RBL2: variants seen among roughly 807,000 people sequenced by gnomAD.
RBL2 encodes the protein RB transcriptional corepressor like 2.
A neutral mutation model predicts 126.0 loss-of-function variants in RBL2; 56 were observed. That is an observed-to-expected ratio of 0.44 (90% CI 0.36 to 0.56). RBL2 has a LOEUF of 0.56. Ranked by LOEUF, RBL2 falls within the 20% of genes least tolerant of loss-of-function variation. The pLI, the probability that RBL2 is intolerant of heterozygous loss-of-function variation, is 0.00. For synonymous variants in RBL2, 454 were observed against 478.5 expected, an observed-to-expected ratio of 0.95 and a Z score of 0.67; for missense variants, 1,229 against 1,398.2, an observed-to-expected ratio of 0.88 and a Z score of 1.93.
intron 20 of RBL2, 183 bp from the exon 21 acceptor site, chr16:53,481,488 C>T (rs1312370225): frequency 3.6e-6 from 2 of 550,404 alleles, no homozygotes; most frequent in Non-Finnish European, 6.1e-6. Context: ...TAATAACTGG[C>T]ACAAACTAAG....
intron 17 of RBL2, among the ~76,000 whole-genome samples, chr16:53,477,835 A>G (rs1960791483): frequency 6.6e-6 from 1 of 152,114 alleles, no homozygotes; most frequent in Non-Finnish European, 1.5e-5. Context: ...CAGTTAAGAA[A>G]GGAGAAGAAA....
intron 18 of RBL2, chr16:53,479,557 A>C: frequency 2.2e-6 from 1 of 457,834 alleles, no homozygotes; most frequent in Non-Finnish European, 3.9e-6. Context: ...TCACATGGAA[A>C]TTTAAAACCC....
intron 14 of RBL2, 93 bp downstream of exon 14, chr16:53,467,262 A>G (rs2058281163): frequency 4.1e-6 from 4 of 975,742 alleles, no homozygotes; most frequent in African/African-American, 1.6e-5. Flanking sequence ...TAGGGTATAC[A>G]TAGAAGAAAA....
intron 2 of RBL2, among the ~76,000 whole-genome samples, chr16:53,440,705 C>T (rs1177650147): frequency 6.6e-6 from 1 of 152,094 alleles, no homozygotes; most frequent in Non-Finnish European, 1.5e-5. Flanking sequence ...AGATGCGCAC[C>T]ACCACACCTG....
chr16:53,469,931 C>A lies in RBL2; in HGVS notation c.1991C>A (p.Thr664Asn). 1 of 1,570,014 alleles carries A rather than the reference C, an allele frequency of 6.4e-7. No individual in the cohort carries two copies. ...GGLGRSITSP[T>N]TLYDRYSSPP... ...TTGACCCTAGGCATAACATCTCCAACCACATTATACGATAGGTACAGCTCC... is the reference window on the plus strand; with the variant it reads ...TTGACCCTAGGCATAACATCTCCAAACACATTATACGATAGGTACAGCTCC... The change falls in exon 15 of 22, where the codon ACC becomes AAC. Residue 664 changes from threonine to asparagine, a missense_variant. Coordinates refer to ENST00000262133, the MANE Select transcript of RBL2 (RefSeq NM_005611.4).
chr16:53,452,701 C>G (rs2058126814), intron 5 of RBL2, among the ~76,000 whole-genome samples: 1 of 151,452 alleles, frequency 6.6e-6, no homozygotes, highest in Admixed American at 6.6e-5. Flanking sequence ...GGGTCTCACT[C>G]TGTCACCCAG....
At position 53,461,658 on chromosome 16, in the gene RBL2, G is replaced by A. The variant is rs890517827; in HGVS notation, c.1347-83G>A. On this transcript the variant is annotated intron_variant, in intron 9 of 21. Coordinates refer to ENST00000262133, the MANE Select transcript of RBL2 (RefSeq NM_005611.4). ...TGTTCAGAGTGTTTTATATTTACATGTTAGTGAAATTATAGAAACATTTTA... is the reference window on the plus strand; with the variant it reads ...TGTTCAGAGTGTTTTATATTTACATATTAGTGAAATTATAGAAACATTTTA... 1.1e-5 allele frequency: 10 copies of A among 904,532 alleles called. No individual in the cohort carries two copies. In the Admixed American group the frequency reaches 1.7e-4, roughly 15 times the overall value. The allele number at this position is 904,532 out of a possible 1,614,324, so 56.0% of individuals were successfully genotyped here.
At position 53,441,159 on chromosome 16, in the gene RBL2, C is replaced by T. The variant is rs1401892211; in HGVS notation, c.372-1499C>T. Among the ~76,000 whole-genome samples the T allele has an allele frequency of 1.1e-4, 16 of 151,746 alleles. 1 individual carries two copies. The highest frequency in any genetic ancestry group is 4.2e-4 in the South Asian group (2 of 4,810). On this transcript the variant is annotated intron_variant, in intron 2 of 21. Coordinates refer to ENST00000262133, the MANE Select transcript of RBL2 (RefSeq NM_005611.4). ...ATTTTTTGTGGAGACCAGGTTTCAC[C>T]GTGTTGACCAGGCTAGTCTCGAACT...
chr16:53,472,959 T>C (rs1299476574), intron 17 of RBL2, among the ~76,000 whole-genome samples: 1 of 152,214 alleles, frequency 6.6e-6, no homozygotes, highest in Non-Finnish European at 1.5e-5. Flanking sequence ...AGAAGATTTT[T>C]TTCCTCACTG....
At chr16:53,435,460 G>C (rs993322377) in intron 1 of RBL2, 4 of 499,612 alleles carry the variant, frequency 8.0e-6, no homozygotes, top group Non-Finnish European at 5.2e-6. Context: ...CCCGGGCATT[G>C]CACAGGACTC....
At chr16:53,442,469 T>G (rs1194885653) in intron 2 of RBL2, among the ~76,000 whole-genome samples, 189 bp from the exon 3 acceptor site, 1 of 152,192 alleles carries the variant, frequency 6.6e-6, no homozygotes, top group Non-Finnish European at 1.5e-5. Context: ...CAAAATGGAT[T>G]AGGAGGATCA....
At chr16:53,468,480 A>G (rs2058291365) in intron 14 of RBL2, among the ~76,000 whole-genome samples, 1 of 152,202 alleles carries the variant, frequency 6.6e-6, no homozygotes, top group African/African-American at 2.4e-5. Context: ...GGTCTTTCTT[A>G]GTCTATTTTT....
intron 3 of RBL2, among the ~76,000 whole-genome samples, chr16:53,444,203 CCATTGCAT>C (rs1480027385): frequency 6.6e-6 from 1 of 151,972 alleles, no homozygotes; most frequent in Admixed American, 6.6e-5. Context: ...CAAGATCGTA[CCATTGCAT>C]TCGAGCCTGG....
rs1188866855 is a variant in RBL2 at position 53,479,024 on chromosome 16, C to T, written c.2704-130C>T. ...TTCATTTGCTATATGCCGTTAATAC[C>T]ATTTCCAGAGACTTTAAATAGCTTT... On this transcript the variant is annotated intron_variant, in intron 17 of 21. Coordinates refer to ENST00000262133, the MANE Select transcript of RBL2 (RefSeq NM_005611.4). 7.1e-6 allele frequency: 5 copies of T among 702,798 alleles called. No individual in the cohort carries two copies. In the Admixed American group the frequency reaches 1.3e-4, roughly 18 times the overall value. 43.5% of individuals were successfully genotyped at this position (702,798 alleles called of 1,614,324 possible).
chr16:53,484,185 G>A (rs1025135398), intron 21 of RBL2, among the ~76,000 whole-genome samples: 6 of 152,066 alleles, frequency 3.9e-5, no homozygotes, highest in East Asian at 1.9e-4. Context: ...TGATTCTGAC[G>A]GCTTAAATTA....
chr16:53,470,283 G>A, intron 15 of RBL2, 98 bp downstream of exon 15: 1 of 1,559,922 alleles, frequency 6.4e-7, no homozygotes, highest in Non-Finnish European at 8.7e-7. Context: ...ACAGAGGAGT[G>A]ATGGGGAGAG....
At position 53,490,143 on chromosome 16, in the gene RBL2, T is replaced by A; in HGVS notation, c.3263T>A (p.Ile1088Asn). ...TTCCCACCATAGAGACTGAGAGAAA[T>A]TAATAGTATGATACGCACAGGAGAA... ...SNSPSKRLRE[I>N]NSMIRTGETP... The change falls in exon 22 of 22, where the codon ATT (isoleucine) becomes AAT (asparagine). Residue 1088 changes from isoleucine to asparagine, a missense_variant. Ile to Asn is a moderately radical substitution (Grantham distance 149). This residue lies in a region of RBL2 where 1,070 missense variants were observed against 1,274.3 expected (regional missense o/e 0.84). Coordinates refer to ENST00000262133, the MANE Select transcript of RBL2 (RefSeq NM_005611.4). 6.3e-7 allele frequency: 1 copy of A among 1,581,532 alleles called. No individual in the cohort carries two copies. The highest frequency in any genetic ancestry group is 8.6e-7 in the Non-Finnish European group (1 of 1,161,866).
intron 21 of RBL2, among the ~76,000 whole-genome samples, chr16:53,486,769 G>T (rs1961192186): frequency 1.3e-5 from 2 of 152,106 alleles, no homozygotes; most frequent in Non-Finnish European, 1.5e-5. Context: ...GGGAGTCCTA[G>T]CATGTGCAAT....
chr16:53,442,131 T>C (rs2058022481), intron 2 of RBL2, among the ~76,000 whole-genome samples: 1 of 151,976 alleles, frequency 6.6e-6, no homozygotes, highest in Non-Finnish European at 1.5e-5. Context: ...TGACTGCTTC[T>C]ATAGTGTTGC....
Sources: allele counts gnomAD v4.1 joint callset (sites outside exome capture counted in the v4.1 genomes callset), GRCh38; gene constraint gnomAD v4.1.1; regional missense constraint gnomAD v4.1.1; transcripts MANE v1.5; gene names NCBI Gene and HGNC (gene_info 2026-07-23, HGNC 2026-07-21).